The following COL28A1 variants were observed in gnomAD, a reference collection of about 807,000 sequenced individuals.
COL28A1 encodes the protein collagen type XXVIII alpha 1 chain.
Under a neutral mutation model 150.2 loss-of-function variants are expected in COL28A1, and 161 were observed. That is an observed-to-expected ratio of 1.07 (90% CI 0.94 to 1.22). The LOEUF (loss-of-function observed/expected upper bound fraction) is 1.22, where lower values mean the gene tolerates loss of function less well. COL28A1 is among the 50% of genes most tolerant of loss of function. COL28A1 has a pLI of 0.00. For synonymous variants in COL28A1, 552 were observed against 469.7 expected (o/e 1.18, Z -2.26); for missense variants, 1,617 against 1,388.3 (o/e 1.16, Z -2.62).
intron 13 of COL28A1, among the ~76,000 whole-genome samples, chr7:7,482,083 T>C (rs572312495): frequency 2.0e-5 from 3 of 152,178 alleles, no homozygotes; most frequent in Non-Finnish European, 2.9e-5. Flanking sequence ...TATCAGCAGA[T>C]TTATATTAGT....
At chr7:7,527,997 A>G (rs1257149022) in intron 3 of COL28A1, among the ~76,000 whole-genome samples, 1 of 152,202 alleles carries the variant, frequency 6.6e-6, no homozygotes, top group Non-Finnish European at 1.5e-5. Context: ...AAACAGAGGA[A>G]GTCTTGAAAA....
chr7:7,351,694 C>T (rs917794019), downstream of COL28A1, among the ~76,000 whole-genome samples: 8 of 151,718 alleles, frequency 5.3e-5, no homozygotes, highest in African/African-American at 1.7e-4. Context: ...ATGATGAGTA[C>T]ATATAGACAT....
intron 3 of COL28A1, among the ~76,000 whole-genome samples, chr7:7,530,709 G>C (rs1488653765): frequency 6.6e-6 from 1 of 152,138 alleles, no homozygotes; most frequent in Non-Finnish European, 1.5e-5. Context: ...AAGCTGACCA[G>C]ACCTATCAAG....
chr7:7,436,908 C>T (rs1262912027), intron 22 of COL28A1, among the ~76,000 whole-genome samples: 1 of 152,144 alleles, frequency 6.6e-6, no homozygotes, highest in Non-Finnish European at 1.5e-5. Context: ...GGCATGGTGG[C>T]ACATCTGTAA....
the COL28A1 span, among the ~76,000 whole-genome samples, chr7:7,339,405 G>A: frequency 6.6e-6 from 1 of 152,094 alleles, no homozygotes; most frequent in African/African-American, 2.4e-5. Flanking sequence ...AGACACTTTT[G>A]ATATAAACCT....
At position 7,531,888 on chromosome 7, in the gene COL28A1, T is replaced by C. The variant is rs768761444; in HGVS notation, c.141A>G (p.Ile47Met). The C allele has an allele frequency of 1.2e-6, 2 of 1,601,970 alleles. No homozygotes were observed. Among genetic ancestry groups the C allele is most frequent in the African/African-American group, 1.3e-5 (1 of 74,432 alleles). Residue 47 changes from isoleucine to methionine, a missense_variant, in exon 3 of 35, where the codon ATA (isoleucine) becomes ATG (methionine). Physicochemically the swap from Ile to Met is conservative, Grantham distance 10 (BLOSUM62 1). Coordinates refer to ENST00000399429, the MANE Select transcript of COL28A1 (RefSeq NM_001037763.3). ...AGCTGTCCACGATGAAGACAATATC[T>C]ATGAAACAAATGGAGCCTGAAACAG... ...KSDVQGSICFIDIVFIVDSSE... is the reference protein window; with the variant it reads ...KSDVQGSICFMDIVFIVDSSE...
intron 27 of COL28A1, among the ~76,000 whole-genome samples, chr7:7,404,775 A>G (rs1783403732): frequency 6.6e-6 from 1 of 152,206 alleles, no homozygotes; most frequent in South Asian, 2.1e-4. Flanking sequence ...TGCTAATAGA[A>G]GCAATATCCA....
chr7:7,483,073 G>T (rs1310318753), intron 13 of COL28A1, among the ~76,000 whole-genome samples: 1 of 152,184 alleles, frequency 6.6e-6, no homozygotes, highest in Non-Finnish European at 1.5e-5. Flanking sequence ...AGATGGGATG[G>T]TTCGACTTAA....
intron 11 of COL28A1, among the ~76,000 whole-genome samples, chr7:7,495,522 A>G (rs2128374806): frequency 6.6e-6 from 1 of 152,316 alleles, no homozygotes; most frequent in Non-Finnish European, 1.5e-5. Flanking sequence ...TTCACTCCCC[A>G]ATATAGTCAT....
chr7:7,377,485 G>C (rs1256640972), intron 30 of COL28A1, among the ~76,000 whole-genome samples: 3 of 152,188 alleles, frequency 2.0e-5, no homozygotes, highest in African/African-American at 7.2e-5. Context: ...TGGGACTGTG[G>C]TCCAAGGAGG....
At chr7:7,457,713 A>C (rs561784353) in intron 15 of COL28A1, among the ~76,000 whole-genome samples, 1 of 152,330 alleles carries the variant, frequency 6.6e-6, no homozygotes, top group African/African-American at 2.4e-5. Flanking sequence ...AAGTCACAGC[A>C]GTGGAGACTG....
intron 27 of COL28A1, among the ~76,000 whole-genome samples, chr7:7,383,320 C>T (rs899165411): frequency 6.9e-6 from 1 of 145,134 alleles, no homozygotes; most frequent in Non-Finnish European, 1.5e-5. Flanking sequence ...ACTCTGTCAA[C>T]CAGGTTGGAG....
At position 7,456,109 on chromosome 7, in the gene COL28A1, C is replaced by T. The variant is rs748184351; in HGVS notation, c.1306G>A (p.Asp436Asn). Residue 436 changes from aspartate (D) to asparagine (N), a missense_variant, in exon 16 of 35, where the codon GAT (aspartate) becomes AAT (asparagine). Asp to Asn is a conservative substitution (Grantham distance 23). Transcript: ENST00000399429. Reference protein sequence around the residue: ...QGLSIKGEKGDIGPVGPQGPM... With the variant: ...QGLSIKGEKGNIGPVGPQGPM... The stretch of plus-strand genomic sequence containing the variant: ...CCTTGGGGTCCCACAGGTCCTATAT[C>T]CCCCTGCACAGAAAATAAGCCAGGA... 1.9e-6 allele frequency: 3 copies of T among 1,611,568 alleles called. No homozygotes were observed. Among genetic ancestry groups the T allele is most frequent in the Non-Finnish European group, 2.5e-6 (3 of 1,178,766 alleles).
chr7:7,526,149 C>G (rs980872100), intron 3 of COL28A1, among the ~76,000 whole-genome samples: 1 of 152,232 alleles, frequency 6.6e-6, no homozygotes, highest in Admixed American at 6.5e-5. Flanking sequence ...TGCTTTATCA[C>G]GAGGCTGCCA....
At chr7:7,541,125 C>A in the COL28A1 span, among the ~76,000 whole-genome samples, 2 of 152,100 alleles carry the variant, frequency 1.3e-5, no homozygotes, top group Non-Finnish European at 2.9e-5. Flanking sequence ...TTATATTAAG[C>A]CGTTACAATG....
rs80141149 is a variant in COL28A1 at position 7,420,313 on chromosome 7, G to T, written c.1999-360C>A. On this transcript the variant is annotated intron_variant, in intron 25 of 34. Coordinates refer to ENST00000399429, the MANE Select transcript of COL28A1 (RefSeq NM_001037763.3). ...TCCTGAACTAGTTGCTTTTATCATT[G>T]TATGCAACAAAGATTATGCTATTTG... is the stretch of plus-strand genomic sequence containing the variant. 504 of 156,668 alleles carry T rather than the reference G, an allele frequency of 3.2e-3. 1 individual carries two copies. The highest frequency in any genetic ancestry group is 5.2e-3 in the Non-Finnish European group (366 of 71,012). The allele number at this position is 156,668 out of a possible 1,614,324, so 9.7% of individuals were successfully genotyped here. A position where few individuals can be genotyped will look rare whatever the true frequency, so the allele number is the denominator to read the frequency against.
intron 13 of COL28A1, among the ~76,000 whole-genome samples, chr7:7,488,974 T>G (rs1341383016): frequency 6.6e-6 from 1 of 152,214 alleles, no homozygotes; most frequent in Non-Finnish European, 1.5e-5. Context: ...CACGTGGATC[T>G]GGTTCTCGCA....
At chr7:7,380,185 T>TATA (rs1781792967) in intron 30 of COL28A1, among the ~76,000 whole-genome samples, 1 of 152,186 alleles carries the variant, frequency 6.6e-6, no homozygotes, top group South Asian at 2.1e-4. Flanking sequence ...GGGAAACGTT[T>TATA]ATAGATGCTC....
At position 7,432,499 on chromosome 7, in the gene COL28A1, G is replaced by A. The variant is rs757924188; in HGVS notation, c.1972C>T (p.Arg658Cys). The A allele has an allele frequency of 9.3e-6, 15 of 1,613,986 alleles. No homozygotes were observed. The highest frequency in any genetic ancestry group is 3.3e-4 in the Middle Eastern group (2 of 6,060). ...TTTGCTCCAGTGTCTCCCACTCCAC[G>A]TAAACCCATCGGCCCAGGGGGTCCT... ...LPGPPGPMGLRGVGDTGAKGE... is the reference protein window; with the variant it reads ...LPGPPGPMGLCGVGDTGAKGE... Residue 658 changes from arginine (R) to cysteine (C), a missense_variant, in exon 25 of 35, where the codon CGT (arginine) becomes TGT (cysteine). Arg to Cys is a radical substitution (Grantham distance 180). Transcript: ENST00000399429.
Sources: allele counts gnomAD v4.1 joint callset (sites outside exome capture counted in the v4.1 genomes callset), GRCh38; gene constraint gnomAD v4.1.1; transcripts MANE v1.5; gene names NCBI Gene and HGNC (gene_info 2026-07-23, HGNC 2026-07-21).